Variants in ADAMTS2 observed in about 807,000 individuals in gnomAD.
The protein encoded by ADAMTS2 is ADAM metallopeptidase with thrombospondin type 1 motif 2.
Under a neutral mutation model 123.0 loss-of-function variants are expected in ADAMTS2, and 50 were observed. The observed-to-expected ratio is 0.41, with a 90% CI of 0.32 to 0.51. The LOEUF is 0.51. ADAMTS2 is among the 20% of genes least tolerant of loss of function. The pLI, the probability that ADAMTS2 is intolerant of heterozygous loss-of-function variation, is 0.35. For synonymous variants in ADAMTS2, 678 were observed against 695.4 expected (o/e 0.98, Z 0.39); for missense variants, 1,494 against 1,705.2 (o/e 0.88, Z 2.18).
At position 179,137,885 on chromosome 5, in the gene ADAMTS2, C is replaced by A; in HGVS notation, c.1835G>T (p.Arg612Leu). Residue 612 changes from arginine to leucine, a missense_variant, in exon 12 of 22, where the codon CGC becomes CTC. Arg to Leu is a moderately radical substitution (Grantham distance 102). Around this residue, in one of 6 missense-constraint regions of ADAMTS2, gnomAD observed 953 missense variants for 1,124.7 expected, o/e 0.85. Coordinates refer to ENST00000251582, the MANE Select transcript of ADAMTS2 (RefSeq NM_014244.5). ...AGCCAGGGAGTCGGGGCAGTCCTGG[C>A]GGCTGCAGAGCTGGAAGTCGTAGGC... Reference protein sequence around the residue: ...GLAYDFQLCSRQDCPDSLADF... With the variant: ...GLAYDFQLCSLQDCPDSLADF... The A allele has an allele frequency of 6.4e-7, 1 of 1,556,624 alleles. No homozygotes were observed. The highest frequency in any genetic ancestry group is 8.7e-7 in the Non-Finnish European group (1 of 1,151,580).
chr5:179,124,721 TCA>T (rs1762820974), intron 19 of ADAMTS2, among the ~76,000 whole-genome samples: 1 of 152,184 alleles, frequency 6.6e-6, no homozygotes, highest in Non-Finnish European at 1.5e-5. Context: ...CCACCCAAGC[TCA>T]GTTTGGGAGC....
At chr5:179,289,501 C>T (rs1056092505) in intron 2 of ADAMTS2, among the ~76,000 whole-genome samples, 2 of 152,138 alleles carry the variant, frequency 1.3e-5, no homozygotes, top group African/African-American at 4.8e-5. Context: ...TCCGTGGAGG[C>T]TACAATTAGT....
At chr5:179,193,007 C>T (rs540528392) in intron 4 of ADAMTS2, among the ~76,000 whole-genome samples, 47 of 152,194 alleles carry the variant, frequency 3.1e-4, no homozygotes, top group Admixed American at 5.9e-4. Context: ...AGGGCTGGCA[C>T]CTCTTTTGCA....
intron 3 of ADAMTS2, among the ~76,000 whole-genome samples, chr5:179,266,175 C>T (rs1404897987): frequency 6.6e-6 from 1 of 152,138 alleles, no homozygotes; most frequent in African/African-American, 2.4e-5. Flanking sequence ...CTCCATTCTC[C>T]CTTAGGACCC....
At chr5:179,160,554 G>A (rs1434765057) in intron 5 of ADAMTS2, among the ~76,000 whole-genome samples, 6 of 152,214 alleles carry the variant, frequency 3.9e-5, no homozygotes, top group African/African-American at 1.4e-4. Flanking sequence ...GTTCCCAGGG[G>A]TCCCAGTCAA....
At chr5:179,233,220 G>C (rs1302798359) in intron 3 of ADAMTS2, among the ~76,000 whole-genome samples, 1 of 152,212 alleles carries the variant, frequency 6.6e-6, no homozygotes, top group East Asian at 1.9e-4. Flanking sequence ...CTGTGTACAA[G>C]TGTGCAAAAC....
chr5:179,242,472 C>A lies in ADAMTS2; in HGVS notation c.688+30439G>T, dbSNP rs554740919. Among the ~76,000 whole-genome samples, 42 of 152,260 alleles carry A rather than the reference C, an allele frequency of 2.8e-4. No homozygotes were observed. The highest frequency in any genetic ancestry group is 8.7e-4 in the African/African-American group (36 of 41,538). On this transcript the variant is annotated intron_variant, in intron 3 of 21. Coordinates refer to ENST00000251582, the MANE Select transcript of ADAMTS2 (RefSeq NM_014244.5). This position sits in a 1 kb window ranked among gnomAD's most constrained non-coding sequence, Gnocchi z 4.2. ...TGAGAGGAGCCCCATGGACACATTC[C>A]CCTCAGAACAACCATAACTGGTGAA...
At chr5:179,141,831 C>T (rs578180659) in intron 10 of ADAMTS2, among the ~76,000 whole-genome samples, 1 of 152,204 alleles carries the variant, frequency 6.6e-6, no homozygotes, top group Admixed American at 6.5e-5. Context: ...CCCCTTCCCC[C>T]ACCCAGGCCC....
At chr5:179,238,324 T>C (rs1408342467) in intron 3 of ADAMTS2, among the ~76,000 whole-genome samples, 1 of 152,132 alleles carries the variant, frequency 6.6e-6, no homozygotes, top group Non-Finnish European at 1.5e-5. Context: ...CCAGCTCCCC[T>C]CAGGGACTGC....
At chr5:179,304,427 T>C (rs2113565096) in intron 2 of ADAMTS2, among the ~76,000 whole-genome samples, 1 of 152,262 alleles carries the variant, frequency 6.6e-6, no homozygotes, top group South Asian at 2.1e-4. Context: ...GCAGCTATTA[T>C]AAAAATACTC....
In ADAMTS2 at chr5:179,262,300, GATTCC is replaced by G. The variant is rs1461763365; in HGVS notation, c.688+10606_688+10610del. 6.6e-6 allele frequency among the ~76,000 whole-genome samples: 1 copy of G among 151,956 alleles called. No individual in the cohort carries two copies. Among genetic ancestry groups the G allele is most frequent in the African/African-American group, 2.4e-5 (1 of 41,354 alleles). On this transcript the variant is annotated intron_variant, in intron 3 of 21. Transcript: ENST00000251582. The surrounding 1 kb of genome is among the most constrained non-coding windows in gnomAD (Gnocchi z 5.9). The stretch of plus-strand genomic sequence containing the variant: ...CCTCTCAGGGGCAGGATGTGTCCTT[GATTCC>G]TTCCTTCACACCACGTCCCGGAAGC...
chr5:179,296,610 C>T (rs984181996), intron 2 of ADAMTS2, among the ~76,000 whole-genome samples: 4 of 152,122 alleles, frequency 2.6e-5, no homozygotes, highest in East Asian at 1.9e-4. Context: ...AAGGAAGGAC[C>T]GCAAGGCAGG....
chr5:179,291,871 G>A (rs1005187238), intron 2 of ADAMTS2, among the ~76,000 whole-genome samples: 9 of 151,342 alleles, frequency 5.9e-5, no homozygotes, highest in African/African-American at 2.2e-4. Flanking sequence ...CAAGTAGCTG[G>A]GACCACAGAC....
chr5:179,145,402 G>A (rs1763234527), intron 10 of ADAMTS2, among the ~76,000 whole-genome samples: 1 of 152,118 alleles, frequency 6.6e-6, no homozygotes. Context: ...ACCCATGCAC[G>A]CAATACTTTG....
intron 3 of ADAMTS2, among the ~76,000 whole-genome samples, chr5:179,250,683 T>C (rs1267649387): frequency 6.6e-6 from 1 of 152,234 alleles, no homozygotes; most frequent in Non-Finnish European, 1.5e-5. Flanking sequence ...TGTCCAGTGT[T>C]GTGTAGCGCA....
At chr5:179,150,237 C>T (rs1581153907) in intron 10 of ADAMTS2, among the ~76,000 whole-genome samples, 2 of 152,160 alleles carry the variant, frequency 1.3e-5, no homozygotes, top group South Asian at 4.1e-4. Flanking sequence ...CCATGCTTAG[C>T]TGGCCTTGTT....
chr5:179,126,210 C>T, intron 17 of ADAMTS2, 80 bp from the exon 18 acceptor site: 2 of 1,578,684 alleles, frequency 1.3e-6, no homozygotes, highest in Non-Finnish European at 1.7e-6. Flanking sequence ...GCTGCACCAG[C>T]AGTGCTGGCC....
In ADAMTS2 at chr5:179,224,070, G is replaced by A. The variant is rs557244169; in HGVS notation, c.689-16355C>T. Among the ~76,000 whole-genome samples, 367 of 152,336 alleles carry A rather than the reference G, an allele frequency of 2.4e-3. 5 individuals are homozygous for A. The South Asian group carries it at 0.027, about 11-fold the overall frequency. On this transcript the variant is annotated intron_variant, in intron 3 of 21. Transcript: ENST00000251582. Reference sequence around the variant, plus strand: ...GTAGGACGAGGCGCAGCGTGGATGCGGGCGGATTGTCTGTATCTCCTTGGT... The same window carrying A: ...GTAGGACGAGGCGCAGCGTGGATGCAGGCGGATTGTCTGTATCTCCTTGGT...
At chr5:179,291,143 G>A (rs1479074571) in intron 2 of ADAMTS2, among the ~76,000 whole-genome samples, 1 of 152,222 alleles carries the variant, frequency 6.6e-6, no homozygotes, top group Non-Finnish European at 1.5e-5. Flanking sequence ...GCATGATGCT[G>A]ACACGTGGGT....
Sources: allele counts gnomAD v4.1 joint callset (sites outside exome capture counted in the v4.1 genomes callset), GRCh38; gene constraint gnomAD v4.1.1; regional missense constraint gnomAD v4.1.1; non-coding constraint Gnocchi (gnomAD v3.1); transcripts MANE v1.5; gene names NCBI Gene and HGNC (gene_info 2026-07-23, HGNC 2026-07-21).